Variants in PPP1R36 observed in about 807,000 individuals in gnomAD.
PPP1R36 encodes the protein protein phosphatase 1 regulatory subunit 36, also known as chromosome 14 open reading frame 50.
A neutral mutation model predicts 53.4 loss-of-function variants in PPP1R36; 47 were observed. The ratio of observed to expected loss-of-function variants is 0.88; its 90% CI spans 0.70 to 1.12. The LOEUF (loss-of-function observed/expected upper bound fraction) is 1.12, where lower values mean the gene tolerates loss of function less well. Ranked by LOEUF, PPP1R36 falls within the 50% of genes most tolerant of loss-of-function variation. PPP1R36 has a pLI of 0.00. For synonymous variants in PPP1R36, 153 were observed against 170.5 expected, an observed-to-expected ratio of 0.90 and a Z score of 0.80; for missense variants, 456 against 513.9, an observed-to-expected ratio of 0.89 and a Z score of 1.09.
chr14:64,574,650 T>C lies in PPP1R36; in HGVS notation c.668+61T>C, dbSNP rs74056321. ...CCATCATAGACTCACATCCTTAAGA[T>C]GCTTCCGTTTGACTTTTGTTACCTT... On this transcript the variant is annotated intron_variant, in intron 8 of 11. Transcript: ENST00000298705. 2,599 of 1,519,504 alleles carry C rather than the reference T, an allele frequency of 1.7e-3. 38 individuals are homozygous for C. The African/African-American group carries it at 0.03, about 18-fold the overall frequency. The allele number at this position is 1,519,504 out of a possible 1,614,324, so 94.1% of individuals were successfully genotyped here.
At chr14:64,553,166 G>A (rs575498709) in intron 3 of PPP1R36, among the ~76,000 whole-genome samples, 1 of 152,088 alleles carries the variant, frequency 6.6e-6, no homozygotes, top group South Asian at 2.1e-4. Flanking sequence ...TGTTGCCCAG[G>A]CTGGTCTCGA....
intron 6 of PPP1R36, 86 bp downstream of exon 6, chr14:64,565,778 T>C (rs2080248487): frequency 4.7e-6 from 5 of 1,062,418 alleles, no homozygotes; most frequent in Non-Finnish European, 7.2e-6. Context: ...AATCTGATTT[T>C]TAGAGGAAGA....
intron 3 of PPP1R36, among the ~76,000 whole-genome samples, chr14:64,563,008 A>G (rs188840289): frequency 6.6e-6 from 1 of 152,068 alleles, no homozygotes; most frequent in Non-Finnish European, 1.5e-5. Flanking sequence ...CTGGGATTAC[A>G]GGCATGGGCC....
chr14:64,588,262 A>G lies in PPP1R36; in HGVS notation c.1049A>G (p.His350Arg), dbSNP rs1310437798. The change falls in exon 11 of 12, where the codon CAT becomes CGT. Residue 350 changes from histidine (H) to arginine (R), a missense_variant. His to Arg is a conservative substitution (Grantham distance 29). Coordinates refer to ENST00000298705, the MANE Select transcript of PPP1R36 (RefSeq NM_172365.3). ...AGATTCCCAGCCGAGATGCAAAAGC[A>G]TGTGGGAACTCTGGACTCTGTGCCC... ...DVRFPAEMQKHVGTLDSVPMP... is the reference protein window; with the variant it reads ...DVRFPAEMQKRVGTLDSVPMP... 1 of 1,613,682 alleles carries G rather than the reference A, an allele frequency of 6.2e-7. No individual in the cohort carries two copies. Among genetic ancestry groups the G allele is most frequent in the East Asian group, 2.2e-5 (1 of 44,868 alleles).
intron 8 of PPP1R36, among the ~76,000 whole-genome samples, chr14:64,577,827 G>C (rs1399044619): frequency 7.1e-6 from 1 of 140,030 alleles, no homozygotes; most frequent in Admixed American, 8.1e-5. Context: ...CCGGGTTCAC[G>C]CTGTTCTCCT....
chr14:64,572,119 C>T (rs1287601539), intron 7 of PPP1R36, among the ~76,000 whole-genome samples: 6 of 152,034 alleles, frequency 3.9e-5, no homozygotes, highest in African/African-American at 9.7e-5. Context: ...CATTGAATAT[C>T]CTCATGCATA....
At chr14:64,551,718 GA>G in intron 2 of PPP1R36, 1 of 455,370 alleles carries the variant, frequency 2.2e-6, no homozygotes, top group South Asian at 1.6e-5. Flanking sequence ...TTTGAACCAA[GA>G]TTTGTCTAAT....
intron 3 of PPP1R36, among the ~76,000 whole-genome samples, chr14:64,561,337 C>T (rs146521237): frequency 5.1e-4 from 78 of 152,322 alleles, no homozygotes; most frequent in African/African-American, 1.8e-3. Context: ...GACAACCTAG[C>T]TCCCTACTCA....
At chr14:64,550,115 G>A in intron 1 of PPP1R36, 49 bp downstream of exon 1, 2 of 1,538,048 alleles carry the variant, frequency 1.3e-6, no homozygotes, top group South Asian at 1.2e-5. Flanking sequence ...CGCAAGGCGG[G>A]CCCTGCTGCC....
rs147997187 is a variant in PPP1R36, at chr14:64,550,404, C to T, written c.69+338C>T. ...GGATAGAAAGGCTGGTGGGTGCTAG[C>T]TTCCACGGTGAAAAGGGTGTACTTA... On this transcript the variant is annotated intron_variant, in intron 1 of 11. Coordinates refer to ENST00000298705, the MANE Select transcript of PPP1R36 (RefSeq NM_172365.3). 315 of 582,332 alleles carry T rather than the reference C, an allele frequency of 5.4e-4. 2 individuals carry two copies. In the East Asian group the frequency reaches 0.02, roughly 37 times the overall value. The allele number at this position is 582,332 out of a possible 1,614,324, so 36.1% of individuals were successfully genotyped here.
At chr14:64,577,850 C>T (rs1435056235) in intron 8 of PPP1R36, among the ~76,000 whole-genome samples, 16 of 150,848 alleles carry the variant, frequency 1.1e-4, no homozygotes, top group African/African-American at 2.7e-4. Context: ...CTCAGCCTCC[C>T]GAGTAGCTGG....
In PPP1R36 at chr14:64,588,195, G is replaced by A; in HGVS notation, c.982G>A (p.Ala328Thr). The change falls in exon 11 of 12, where the codon GCT becomes ACT. Residue 328 changes from alanine (A) to threonine (T), a missense_variant. Ala to Thr is a moderately conservative substitution (Grantham distance 58). Transcript: ENST00000298705. ...STLLPSLREK[A>T]QNVFEKKYHQ... ...TCTGCTGCCATCTCTCAGAGAAAAA[G>A]CTCAAAACGTCTTTGAGAAAAAGTA... 1 of 1,614,096 alleles carries A rather than the reference G, an allele frequency of 6.2e-7. No individual in the cohort carries two copies. Among genetic ancestry groups the A allele is most frequent in the Non-Finnish European group, 8.5e-7 (1 of 1,179,968 alleles).
chr14:64,580,669 A>G (rs2080381349), intron 8 of PPP1R36, among the ~76,000 whole-genome samples: 1 of 152,206 alleles, frequency 6.6e-6, no homozygotes, highest in South Asian at 2.1e-4. Flanking sequence ...CCACCCACGT[A>G]ACAAATTCCA....
At chr14:64,558,521 G>C (rs1338348447) in intron 3 of PPP1R36, among the ~76,000 whole-genome samples, 2 of 152,086 alleles carry the variant, frequency 1.3e-5, no homozygotes, top group East Asian at 3.9e-4. Flanking sequence ...TGAGGCTGTG[G>C]TGAGCCATGA....
chr14:64,555,220 G>C (rs973201732), intron 3 of PPP1R36, among the ~76,000 whole-genome samples: 1 of 151,996 alleles, frequency 6.6e-6, no homozygotes, highest in Non-Finnish European at 1.5e-5. Context: ...TATAGCATTC[G>C]GTTTTTAGTG....
At chr14:64,566,982 T>A (rs2080263641) in intron 6 of PPP1R36, among the ~76,000 whole-genome samples, 1 of 152,250 alleles carries the variant, frequency 6.6e-6, no homozygotes, top group Non-Finnish European at 1.5e-5. Flanking sequence ...TTCCTTTCCT[T>A]TCCTGTCTCA....
chr14:64,576,937 A>G (rs1337786992), intron 8 of PPP1R36, among the ~76,000 whole-genome samples: 1 of 152,160 alleles, frequency 6.6e-6, no homozygotes, highest in Non-Finnish European at 1.5e-5. Context: ...GTTGCACCTG[A>G]ATCCACCACC....
intron 8 of PPP1R36, among the ~76,000 whole-genome samples, chr14:64,575,094 G>C (rs1467258267): frequency 6.6e-6 from 1 of 152,176 alleles, no homozygotes; most frequent in Non-Finnish European, 1.5e-5. Flanking sequence ...AAAACTTAAA[G>C]AGGAGTCTCA....
chr14:64,552,974 A>ATTT, intron 3 of PPP1R36, 113 bp downstream of exon 3: 1 of 977,836 alleles, frequency 1.0e-6, no homozygotes, highest in Non-Finnish European at 1.5e-6. Flanking sequence ...ATTAAGTGCC[A>ATTT]ATTTTTTTTT....
Sources: gnomAD v4.1 joint callset for allele counts (sites outside exome capture counted in the v4.1 genomes callset) on GRCh38, gnomAD v4.1.1 for gene constraint, MANE v1.5 for transcripts, NCBI Gene and HGNC (gene_info 2026-07-23, HGNC 2026-07-21) for gene names.